ZNRF1: variants seen among roughly 807,000 people sequenced by gnomAD.
ZNRF1 encodes the protein zinc and ring finger 1.
A neutral mutation model predicts 18.4 loss-of-function variants in ZNRF1; 3 were observed. The observed-to-expected ratio is 0.16, with a 90% confidence interval of 0.07 to 0.42. ZNRF1 has a LOEUF of 0.42. Ranked by LOEUF, ZNRF1 falls within the 10% of genes least tolerant of loss-of-function variation. The pLI, the probability that ZNRF1 is intolerant of heterozygous loss-of-function variation, is 0.99. For synonymous variants in ZNRF1, 157 were observed against 144.2 expected, an observed-to-expected ratio of 1.09 and a Z score of -0.64; for missense variants, 310 against 329.8, an observed-to-expected ratio of 0.94 and a Z score of 0.47.
chr16:75,077,093 C>T (rs1002967045), intron 1 of ZNRF1, among the ~76,000 whole-genome samples: 5 of 152,198 alleles, frequency 3.3e-5, no homozygotes, highest in Non-Finnish European at 5.9e-5. Flanking sequence ...CAGCTACTCT[C>T]CTTTAAGAGT....
At chr16:75,010,906 C>T (rs990228313) in intron 1 of ZNRF1, among the ~76,000 whole-genome samples, 1 of 151,882 alleles carries the variant, frequency 6.6e-6, no homozygotes, top group Admixed American at 6.6e-5. Context: ...GATGGGGTTT[C>T]GCCAATTGGC....
At chr16:75,076,248 C>CT (rs2035939873) in intron 1 of ZNRF1, among the ~76,000 whole-genome samples, 1 of 152,156 alleles carries the variant, frequency 6.6e-6, no homozygotes, top group African/African-American at 2.4e-5. Flanking sequence ...TGGTTCTGAA[C>CT]TTTTGGGTTC....
At chr16:75,101,447 A>T (rs2036254783) in intron 2 of ZNRF1, among the ~76,000 whole-genome samples, 1 of 152,004 alleles carries the variant, frequency 6.6e-6, no homozygotes, top group Admixed American at 6.5e-5. Flanking sequence ...CCAGCTACTT[A>T]GTAGGCTGAG....
intron 1 of ZNRF1, among the ~76,000 whole-genome samples, chr16:75,082,560 A>G (rs1302028717): frequency 1.3e-5 from 2 of 152,270 alleles, no homozygotes; most frequent in African/African-American, 4.8e-5. Flanking sequence ...GTAAGTAGAC[A>G]GGAATATGTT....
chr16:75,069,815 C>T (rs1328114477), intron 1 of ZNRF1, among the ~76,000 whole-genome samples: 1 of 152,242 alleles, frequency 6.6e-6, no homozygotes, highest in African/African-American at 2.4e-5. Context: ...GCTATCTCCA[C>T]TTACATGTTT....
chr16:75,106,451 C>T (rs749117207), intron 3 of ZNRF1, 31 bp from the exon 4 acceptor site: 13 of 1,613,518 alleles, frequency 8.1e-6, no homozygotes, highest in Admixed American at 1.7e-5. Context: ...CAGCAGGTAA[C>T]GTGGTTTCCC....
At chr16:75,075,456 C>T (rs1033112671) in intron 1 of ZNRF1, among the ~76,000 whole-genome samples, 18 of 152,254 alleles carry the variant, frequency 1.2e-4, no homozygotes, top group African/African-American at 4.3e-4. Flanking sequence ...CTACTTAACC[C>T]TCGCTGTGGT....
chr16:75,008,127 C>T (rs752127849), intron 1 of ZNRF1, among the ~76,000 whole-genome samples: 12 of 152,148 alleles, frequency 7.9e-5, no homozygotes, highest in Non-Finnish European at 1.8e-4. Context: ...GAGCCTTCCA[C>T]CTCAGCTTCC....
At chr16:75,039,601 G>GAT (rs2035416885) in intron 1 of ZNRF1, among the ~76,000 whole-genome samples, 2 of 152,128 alleles carry the variant, frequency 1.3e-5, no homozygotes, top group African/African-American at 4.8e-5. Context: ...TAGAGATTTG[G>GAT]ATATAATACA....
chr16:75,052,524 C>A (rs1411314578), intron 1 of ZNRF1, among the ~76,000 whole-genome samples: 1 of 152,110 alleles, frequency 6.6e-6, no homozygotes, highest in Admixed American at 6.6e-5. Flanking sequence ...CTGATTTTGA[C>A]CACTACCCTT....
At chr16:75,028,291 T>C (rs2035252689) in intron 1 of ZNRF1, among the ~76,000 whole-genome samples, 1 of 152,082 alleles carries the variant, frequency 6.6e-6, no homozygotes, top group Admixed American at 6.6e-5. Flanking sequence ...CTGGTACTTT[T>C]TGTTTTTTGT....
At chr16:75,000,289 G>A (rs1471502805) in intron 1 of ZNRF1, 194 bp downstream of exon 1, 1 of 838,750 alleles carries the variant, frequency 1.2e-6, no homozygotes, top group Non-Finnish European at 2.0e-6. Flanking sequence ...GCGGAGCCTG[G>A]CGATTTAGGG....
intron 1 of ZNRF1, among the ~76,000 whole-genome samples, chr16:75,082,362 C>G (rs986689977): frequency 6.6e-6 from 1 of 152,214 alleles, no homozygotes; most frequent in Non-Finnish European, 1.5e-5. Context: ...CTGGTAGATG[C>G]TTTCCCCATT....
intron 2 of ZNRF1, among the ~76,000 whole-genome samples, chr16:75,102,029 G>T (rs567027756): frequency 1.3e-5 from 2 of 152,280 alleles, no homozygotes; most frequent in Non-Finnish European, 2.9e-5. Context: ...ACCACAAGTT[G>T]TCCTGGTGGC....
chr16:75,002,085 C>T (rs1279816049), intron 1 of ZNRF1, among the ~76,000 whole-genome samples: 1 of 152,212 alleles, frequency 6.6e-6, no homozygotes, highest in Non-Finnish European at 1.5e-5. Flanking sequence ...ATGCTGATAG[C>T]ATCCAGCAGT....
chr16:75,003,865 A>T (rs2034884543), intron 1 of ZNRF1, among the ~76,000 whole-genome samples: 1 of 152,146 alleles, frequency 6.6e-6, no homozygotes. Flanking sequence ...CTCATGAGAT[A>T]ATGTGCACAA....
At chr16:75,083,442 C>G (rs2145413206) in intron 1 of ZNRF1, among the ~76,000 whole-genome samples, 1 of 152,254 alleles carries the variant, frequency 6.6e-6, no homozygotes, top group East Asian at 1.9e-4. Context: ...GTGTGGAATT[C>G]AGAAACCTCA....
Position 75,063,224 on chromosome 16 carries a change from CAAGCTGGG to C in ZNRF1, c.425-30347_425-30340del, listed in dbSNP as rs1255017902. On this transcript the variant is annotated intron_variant, in intron 1 of 4. Transcript: ENST00000335325. ...CGCTTCCCCAGCGCCACGCCAGCAGCAAGCTGGGCGCTCACAGCCGGACTCTGGAAAGC... is the reference window on the plus strand; with the variant it reads ...CGCTTCCCCAGCGCCACGCCAGCAGCCGCTCACAGCCGGACTCTGGAAAGC... Among the ~76,000 whole-genome samples the C allele has an allele frequency of 9.2e-5, 14 of 152,324 alleles. No homozygotes were observed. The East Asian group carries it at 1.9e-3, about 21-fold the overall frequency.
intron 1 of ZNRF1, 187 bp downstream of exon 1, chr16:75,000,282 G>T (rs1446072939): frequency 2.2e-6 from 2 of 907,662 alleles, no homozygotes; most frequent in Admixed American, 2.0e-5. Context: ...CGAGGCTGCG[G>T]AGCCTGGCGA....
Sources: gnomAD v4.1 joint callset for allele counts (sites outside exome capture counted in the v4.1 genomes callset) on GRCh38, gnomAD v4.1.1 for gene constraint, MANE v1.5 for transcripts, NCBI Gene and HGNC (gene_info 2026-07-23, HGNC 2026-07-21) for gene names.